The following LRBA variants were observed in gnomAD, a reference collection of about 807,000 sequenced individuals.
The protein encoded by LRBA is LPS responsive beige-like anchor protein.
Under a neutral mutation model 330.0 loss-of-function variants are expected in LRBA, and 176 were observed. The observed-to-expected ratio is 0.53, with a 90% confidence interval of 0.47 to 0.60. The LOEUF is 0.60. Among genes scored for constraint, LRBA ranks in the 20% least tolerant of loss-of-function variants. The probability of loss-of-function intolerance (pLI) is 0.00; values close to 1 mark genes in which losing one functional copy is unlikely to be tolerated. For missense variants in LRBA, 3,259 were observed against 3,444.8 expected, an observed-to-expected ratio of 0.95 and a Z score of 1.35; for synonymous variants, 1,230 against 1,193.0, an observed-to-expected ratio of 1.03 and a Z score of -0.64.
At chr4:150,867,527 T>C in intron 22 of LRBA, 144 bp downstream of exon 22, 1 of 598,202 alleles carries the variant, frequency 1.7e-6, no homozygotes, top group South Asian at 2.4e-5. Flanking sequence ...ATTGATAATC[T>C]TTTTGAGCTT....
intron 47 of LRBA, among the ~76,000 whole-genome samples, 173 bp downstream of exon 47, chr4:150,415,265 A>G (rs559423666): frequency 6.6e-6 from 1 of 152,374 alleles, no homozygotes; most frequent in African/African-American, 2.4e-5. Context: ...TATCAATTCA[A>G]TAACATTTCA....
At chr4:150,339,114 G>C (rs1269191740) in intron 48 of LRBA, among the ~76,000 whole-genome samples, 2 of 151,986 alleles carry the variant, frequency 1.3e-5, no homozygotes, top group Non-Finnish European at 2.9e-5. Context: ...CCTGAAAGTA[G>C]AAGTGTTCTT....
intron 37 of LRBA, among the ~76,000 whole-genome samples, chr4:150,611,874 C>T (rs1387254598): frequency 2.6e-5 from 4 of 152,108 alleles, no homozygotes; most frequent in South Asian, 2.1e-4. Flanking sequence ...CTTTGGCATA[C>T]AGAACCTTTA....
At chr4:150,631,551 T>C (rs1440839169) in intron 37 of LRBA, among the ~76,000 whole-genome samples, 1 of 152,226 alleles carries the variant, frequency 6.6e-6, no homozygotes, top group East Asian at 1.9e-4. Context: ...AATTTCGATA[T>C]GTATTACATA....
intron 17 of LRBA, among the ~76,000 whole-genome samples, chr4:150,873,924 C>T (rs563941716): frequency 6.6e-6 from 1 of 152,198 alleles, no homozygotes; most frequent in East Asian, 1.9e-4. Context: ...AGGTCCATAT[C>T]ACATTGTAAC....
intron 48 of LRBA, among the ~76,000 whole-genome samples, chr4:150,341,184 C>CA (rs1002000694): frequency 3.3e-5 from 5 of 152,078 alleles, no homozygotes. Context: ...TCTTTTGAGA[C>CA]AGAGTCTTGC....
chr4:150,976,641 AT>A (rs1237717782), intron 2 of LRBA, among the ~76,000 whole-genome samples: 1 of 152,216 alleles, frequency 6.6e-6, no homozygotes, highest in Non-Finnish European at 1.5e-5. Flanking sequence ...GAAACAACAA[AT>A]TTAACAACCA....
At chr4:150,555,756 A>AACACACACACACACACACACACACACAC (rs34497958) in intron 40 of LRBA, among the ~76,000 whole-genome samples, 46 of 144,690 alleles carry the variant, frequency 3.2e-4, no homozygotes, top group African/African-American at 9.9e-4. Flanking sequence ...GTCTTATAAA[A>AACACACACACACACACACACACACACAC]ACACACACAC....
intron 27 of LRBA, among the ~76,000 whole-genome samples, 199 bp downstream of exon 27, chr4:150,844,459 G>C (rs1349082373): frequency 2.6e-5 from 4 of 151,654 alleles, no homozygotes; most frequent in Non-Finnish European, 5.9e-5. Flanking sequence ...GTAAACACTG[G>C]GAAAAGCAGA....
At chr4:150,335,434 T>TA (rs1734536153) in intron 48 of LRBA, among the ~76,000 whole-genome samples, 1 of 149,148 alleles carries the variant, frequency 6.7e-6, no homozygotes, top group African/African-American at 2.4e-5. Context: ...TATATACATA[T>TA]ATATATACAC....
At chr4:150,293,801 C>CTGTCT (rs1404454846) in intron 53 of LRBA, among the ~76,000 whole-genome samples, 2 of 152,182 alleles carry the variant, frequency 1.3e-5, no homozygotes, top group Non-Finnish European at 1.5e-5. Context: ...GACAGCAAGA[C>CTGTCT]CAGCCCTCTG....
At chr4:150,673,905 T>C (rs909765943) in intron 37 of LRBA, among the ~76,000 whole-genome samples, 4 of 151,952 alleles carry the variant, frequency 2.6e-5, no homozygotes, top group Non-Finnish European at 5.9e-5. Context: ...ACAATGAGAG[T>C]TATAGGGAGG....
chr4:150,288,860 T>C (rs1748511369), intron 53 of LRBA, among the ~76,000 whole-genome samples: 1 of 151,866 alleles, frequency 6.6e-6, no homozygotes, highest in South Asian at 2.1e-4. Flanking sequence ...TAACTTGAAT[T>C]GTCTTGGAAT....
chr4:150,538,700 A>C (rs573521059), intron 40 of LRBA, among the ~76,000 whole-genome samples: 2 of 152,068 alleles, frequency 1.3e-5, no homozygotes, highest in Admixed American at 1.3e-4. Context: ...GCACACCTGT[A>C]ATCCAATCCC....
In LRBA at chr4:150,852,973, T is replaced by C. The variant is rs755378350; in HGVS notation, c.2767-30A>G. 5.9e-6 allele frequency: 8 copies of C among 1,356,798 alleles called. No homozygotes were observed. The South Asian group carries it at 1.1e-4, about 18-fold the overall frequency. The allele number at this position is 1,356,798 out of a possible 1,614,324, so 84.0% of individuals were successfully genotyped here. A position where few individuals can be genotyped will look rare whatever the true frequency, so the allele number is the denominator to read the frequency against. ...GTGAAAAATGTACAATCAGTTAAAA[T>C]ATGCATGAGAAATGAAGACAGAATA... On this transcript the variant is annotated intron_variant, in intron 22 of 56. Coordinates refer to ENST00000651943, the MANE Select transcript of LRBA (RefSeq NM_001364905.1).
chr4:150,335,994 C>T (rs1281378336), intron 48 of LRBA, among the ~76,000 whole-genome samples: 3 of 152,212 alleles, frequency 2.0e-5, no homozygotes, highest in Non-Finnish European at 4.4e-5. Context: ...CCACGCCTGG[C>T]GAAGCCACTG....
chr4:150,470,876 C>CACACCA (rs1554034850), intron 43 of LRBA, among the ~76,000 whole-genome samples: 2,997 of 143,736 alleles, frequency 0.021, 62 homozygotes, highest in African/African-American at 0.06. Context: ...CACACACACA[C>CACACCA]CACACACTAA....
chr4:150,832,497 G>A (rs940977883), intron 28 of LRBA, among the ~76,000 whole-genome samples: 20 of 152,154 alleles, frequency 1.3e-4, no homozygotes, highest in Non-Finnish European at 2.1e-4. Flanking sequence ...TCAGGAGCCT[G>A]AGGTGGGAGA....
At chr4:150,386,246 C>A (rs13150556) in intron 47 of LRBA, among the ~76,000 whole-genome samples, 60,319 of 151,858 alleles carry the variant, frequency 0.4, 12,393 homozygotes, top group Middle Eastern at 0.48. Context: ...AATTAAATAC[C>A]TTTTTCTAAT....
Sources: allele counts gnomAD v4.1 joint callset (sites outside exome capture counted in the v4.1 genomes callset), GRCh38; gene constraint gnomAD v4.1.1; transcripts MANE v1.5; gene names NCBI Gene and HGNC (gene_info 2026-07-23, HGNC 2026-07-21).